CHN2: variants seen among roughly 807,000 people sequenced by gnomAD.
CHN2 encodes the protein beta-chimaerin.
A neutral mutation model predicts 56.3 loss-of-function variants in CHN2; 35 were observed. The observed-to-expected ratio is 0.62, with a 90% confidence interval of 0.47 to 0.82. CHN2 has a LOEUF of 0.82. Among genes scored for constraint, CHN2 ranks in the 40% least tolerant of loss-of-function variants. CHN2 has a pLI of 0.00. For synonymous variants in CHN2, 210 were observed against 212.8 expected (o/e 0.99, Z 0.12); for missense variants, 491 against 580.5 (o/e 0.85, Z 1.58).
At chr7:29,429,576 C>T (rs1427848178) in intron 6 of CHN2, among the ~76,000 whole-genome samples, 1 of 122,782 alleles carries the variant, frequency 8.1e-6, no homozygotes, top group African/African-American at 3.8e-5. Context: ...GAGTTACACA[C>T]ACACAGACAC....
At chr7:29,369,087 A>T (rs933110008) in intron 3 of CHN2, among the ~76,000 whole-genome samples, 1 of 152,202 alleles carries the variant, frequency 6.6e-6, no homozygotes, top group Non-Finnish European at 1.5e-5. Context: ...ATGATATTCA[A>T]TATTTTTTCA....
intron 1 of CHN2, among the ~76,000 whole-genome samples, chr7:29,289,679 T>C (rs1351256855): frequency 1.3e-5 from 2 of 152,204 alleles, no homozygotes; most frequent in African/African-American, 4.8e-5. Context: ...AAGACAAATA[T>C]GCCCCAGCAC....
At chr7:29,495,391 A>G (rs573288883) in intron 7 of CHN2, among the ~76,000 whole-genome samples, 1 of 152,350 alleles carries the variant, frequency 6.6e-6, no homozygotes, top group Non-Finnish European at 1.5e-5. Flanking sequence ...TATGGAAACT[A>G]TCTCTGGGGA....
At chr7:29,329,951 C>T (rs1340098848) in intron 1 of CHN2, among the ~76,000 whole-genome samples, 2 of 152,296 alleles carry the variant, frequency 1.3e-5, no homozygotes, top group East Asian at 3.9e-4. Context: ...CTATTCATAT[C>T]TCACCTTTCA....
intron 6 of CHN2, among the ~76,000 whole-genome samples, chr7:29,476,279 G>A (rs202001698): frequency 6.6e-6 from 1 of 152,138 alleles, no homozygotes; most frequent in Non-Finnish European, 1.5e-5. Flanking sequence ...GCTCACACTT[G>A]TAATCCTAGC....
At chr7:29,386,926 A>G (rs1800958257) in intron 3 of CHN2, among the ~76,000 whole-genome samples, 2 of 152,232 alleles carry the variant, frequency 1.3e-5, no homozygotes, top group Non-Finnish European at 1.5e-5. Context: ...AATCTAATGT[A>G]TTTAGTCAAA....
At chr7:29,405,221 A>G (rs896579235) in intron 6 of CHN2, among the ~76,000 whole-genome samples, 14 of 141,534 alleles carry the variant, frequency 9.9e-5, no homozygotes, top group Admixed American at 7.8e-4. Context: ...ACACACACAC[A>G]CGGCAGTTCC....
chr7:29,379,075 CT>C (rs1800294520), intron 3 of CHN2, among the ~76,000 whole-genome samples: 1 of 152,182 alleles, frequency 6.6e-6, no homozygotes, highest in Non-Finnish European at 1.5e-5. Flanking sequence ...CTCCCAAGTA[CT>C]ACATAAATGT....
At position 29,270,627 on chromosome 7, in the gene CHN2, G is replaced by T. The variant is rs1790553340; in HGVS notation, c.49+75637G>T. Reference sequence around the variant, plus strand: ...TGTATTGAGTCAAGATCATGTCACTGCACTCCAGCCTTGGGCAACAGAGCA... The same window carrying T: ...TGTATTGAGTCAAGATCATGTCACTTCACTCCAGCCTTGGGCAACAGAGCA... On this transcript the variant is annotated intron_variant, in intron 1 of 12. Transcript: ENST00000222792. 2.6e-5 allele frequency among the ~76,000 whole-genome samples: 4 copies of T among 152,102 alleles called. No individual in the cohort carries two copies. In the South Asian group the frequency reaches 8.3e-4, roughly 32 times the overall value.
chr7:29,155,903 G>C (rs1794302889), intron 2 of CHN2, among the ~76,000 whole-genome samples: 1 of 152,164 alleles, frequency 6.6e-6, no homozygotes, highest in Non-Finnish European at 1.5e-5. Context: ...GGGTCTGTGA[G>C]CTGGGAAATA....
At chr7:29,499,090 C>T (rs959369544) in intron 8 of CHN2, among the ~76,000 whole-genome samples, 12 of 152,162 alleles carry the variant, frequency 7.9e-5, no homozygotes, top group Non-Finnish European at 1.3e-4. Context: ...AGAGAAATTC[C>T]GTCAGTGGAT....
intron 1 of CHN2, among the ~76,000 whole-genome samples, chr7:29,348,106 C>T (rs552848422): frequency 1.3e-5 from 2 of 152,198 alleles, no homozygotes; most frequent in Middle Eastern, 3.4e-3. Flanking sequence ...GTAAAAACAA[C>T]GGAGGTATTA....
intron 9 of CHN2, among the ~76,000 whole-genome samples, chr7:29,501,154 C>T (rs1789927170): frequency 6.6e-6 from 1 of 152,162 alleles, no homozygotes; most frequent in South Asian, 2.1e-4. Context: ...GATGTCATAG[C>T]TTATTATCCC....
intron 7 of CHN2, among the ~76,000 whole-genome samples, chr7:29,493,323 C>T (rs1327113639): frequency 6.6e-6 from 1 of 152,146 alleles, no homozygotes; most frequent in African/African-American, 2.4e-5. Flanking sequence ...GATGATCCCC[C>T]TCAATGATGA....
chr7:29,407,345 G>C (rs548770941), intron 6 of CHN2, among the ~76,000 whole-genome samples: 10 of 152,034 alleles, frequency 6.6e-5, no homozygotes, highest in African/African-American at 2.4e-4. Context: ...TTGGTCCTAG[G>C]GGGTGGAGAG....
chr7:29,350,828 G>T (rs529985544), intron 1 of CHN2, among the ~76,000 whole-genome samples: 1 of 152,140 alleles, frequency 6.6e-6, no homozygotes, highest in Non-Finnish European at 1.5e-5. Context: ...CCCACAATGC[G>T]GCCGGGCGAG....
At chr7:29,194,591 C>G (rs1040709894), upstream of CHN2, 4 of 236,000 alleles carry the variant, frequency 1.7e-5, no homozygotes, top group Admixed American at 5.7e-5. Flanking sequence ...CGCCCTGGTC[C>G]CAGCCGCGCA....
rs943485075 is a variant in CHN2, at chr7:29,514,090, G to C, written c.*1355G>C. The stretch of plus-strand genomic sequence containing the variant: ...AGCATCATTGTGTGACTGTTGACCT[G>C]GACAGTCCCAAGGGCTATGCAGATG... On this transcript the variant is annotated 3_prime_UTR_variant, in exon 13 of 13. Coordinates refer to ENST00000222792, the MANE Select transcript of CHN2 (RefSeq NM_004067.4). 6.6e-6 allele frequency: 1 copy of C among 152,590 alleles called. No individual in the cohort carries two copies. The highest frequency in any genetic ancestry group is 2.4e-5 in the African/African-American group (1 of 41,438). 9.5% of individuals were successfully genotyped at this position (152,590 alleles called of 1,614,324 possible).
At chr7:29,423,493 T>A (rs1241143322) in intron 6 of CHN2, among the ~76,000 whole-genome samples, 2 of 152,186 alleles carry the variant, frequency 1.3e-5, no homozygotes, top group East Asian at 3.8e-4. Flanking sequence ...TGAGACTGCC[T>A]TGCCATACCT....
Sources: gnomAD v4.1 joint callset for allele counts (sites outside exome capture counted in the v4.1 genomes callset) on GRCh38, gnomAD v4.1.1 for gene constraint, MANE v1.5 for transcripts, NCBI Gene and HGNC (gene_info 2026-07-23, HGNC 2026-07-21) for gene names.